Variants in SCMH1 observed in about 807,000 individuals in gnomAD.
The protein encoded by SCMH1 is polycomb protein SCMH1.
A neutral mutation model predicts 70.8 loss-of-function variants in SCMH1; 37 were observed. That is an observed-to-expected ratio of 0.52 (90% CI 0.40 to 0.69). SCMH1 has a LOEUF of 0.69. SCMH1 is among the 30% of genes least tolerant of loss of function. SCMH1 has a pLI of 0.00. For missense variants in SCMH1, 607 were observed against 827.3 expected (o/e 0.73, Z 3.27); for synonymous variants, 292 against 307.4 (o/e 0.95, Z 0.52).
chr1:41,161,806 T>C (rs1325255554), intron 2 of SCMH1, among the ~76,000 whole-genome samples: 2 of 152,334 alleles, frequency 1.3e-5, no homozygotes, highest in East Asian at 3.9e-4. Flanking sequence ...ATCACAATTA[T>C]TTAAAACACT....
intron 2 of SCMH1, among the ~76,000 whole-genome samples, chr1:41,172,413 C>T (rs1233999643): frequency 2.0e-5 from 3 of 151,752 alleles, no homozygotes; most frequent in Non-Finnish European, 2.9e-5. Flanking sequence ...AATTACAGAA[C>T]ATTGATGAAA....
intron 6 of SCMH1, among the ~76,000 whole-genome samples, chr1:41,138,014 C>T (rs1024008767): frequency 2.0e-5 from 3 of 152,176 alleles, no homozygotes; most frequent in African/African-American, 7.2e-5. Flanking sequence ...TTGTCCCTTG[C>T]TTTGTTTTTG....
chr1:41,028,628 C>T, exon 14 of SCMH1: 1 of 1,614,184 alleles, frequency 6.2e-7, no homozygotes, highest in Non-Finnish European at 8.5e-7. Flanking sequence ...TGAGGATCAG[C>T]TTCCCGGACA....
At chr1:41,129,176 A>AT (rs1195193457) in intron 6 of SCMH1, among the ~76,000 whole-genome samples, 1 of 152,112 alleles carries the variant, frequency 6.6e-6, no homozygotes, top group Admixed American at 6.5e-5. Flanking sequence ...GCTTGTTTGC[A>AT]TGCCTGGTAA....
chr1:41,178,960 T>A (rs932954274), intron 2 of SCMH1, among the ~76,000 whole-genome samples: 11 of 152,090 alleles, frequency 7.2e-5, no homozygotes, highest in African/African-American at 2.7e-4. Context: ...CCACACTTAT[T>A]CCAAAATTGA....
At chr1:41,228,580 C>T (rs1660702339) in intron 1 of SCMH1, among the ~76,000 whole-genome samples, 1 of 151,160 alleles carries the variant, frequency 6.6e-6, no homozygotes, top group African/African-American at 2.4e-5. Flanking sequence ...CCTAGGAGTT[C>T]AAGACCAGCC....
chr1:41,171,849 A>T (rs528737255), intron 2 of SCMH1, among the ~76,000 whole-genome samples: 1 of 152,346 alleles, frequency 6.6e-6, no homozygotes, highest in South Asian at 2.1e-4. Context: ...ACAAATGAAA[A>T]TAGAAACGTA....
chr1:41,058,378 GTTTTTT>G (rs548733204), intron 10 of SCMH1, among the ~76,000 whole-genome samples: 7 of 81,640 alleles, frequency 8.6e-5, no homozygotes, highest in East Asian at 5.3e-4. Context: ...TTTCTTTCTT[GTTTTTT>G]TTTTTTTTTT....
At chr1:41,149,739 C>A (rs1644896036) in intron 5 of SCMH1, among the ~76,000 whole-genome samples, 1 of 152,210 alleles carries the variant, frequency 6.6e-6, no homozygotes, top group South Asian at 2.1e-4. Flanking sequence ...ATGAGCAACA[C>A]CTTCCTGAGT....
At chr1:41,140,918 T>C (rs1186868645) in intron 6 of SCMH1, among the ~76,000 whole-genome samples, 1 of 152,208 alleles carries the variant, frequency 6.6e-6, no homozygotes. Context: ...ATAAGGTCAA[T>C]TGGTGTGATG....
At chr1:41,125,453 G>A (rs949323212) in intron 6 of SCMH1, among the ~76,000 whole-genome samples, 1 of 151,950 alleles carries the variant, frequency 6.6e-6, no homozygotes, top group Non-Finnish European at 1.5e-5. Context: ...CTGGGCTCAT[G>A]TGATCCACTC....
intron 6 of SCMH1, among the ~76,000 whole-genome samples, chr1:41,122,394 A>G (rs1192777459): frequency 1.3e-5 from 2 of 152,126 alleles, no homozygotes; most frequent in African/African-American, 4.8e-5. Flanking sequence ...CTTTACCCAA[A>G]ATAGACTCCT....
intron 8 of SCMH1, among the ~76,000 whole-genome samples, chr1:41,079,517 A>G (rs867028917): frequency 6.6e-6 from 1 of 152,214 alleles, no homozygotes; most frequent in Non-Finnish European, 1.5e-5. Context: ...TTAACCAACC[A>G]ACCTAACTGA....
At chr1:41,198,233 C>T (rs1653496629) in intron 1 of SCMH1, among the ~76,000 whole-genome samples, 1 of 152,156 alleles carries the variant, frequency 6.6e-6, no homozygotes, top group Non-Finnish European at 1.5e-5. Context: ...CTCTTGGCTC[C>T]AACTGAATCC....
intron 5 of SCMH1, among the ~76,000 whole-genome samples, chr1:41,144,633 G>A (rs557350353): frequency 3.9e-5 from 6 of 152,076 alleles, no homozygotes; most frequent in Non-Finnish European, 5.9e-5. Flanking sequence ...TGAAACTGCT[G>A]GGTCATGTGG....
intron 2 of SCMH1, among the ~76,000 whole-genome samples, chr1:41,181,311 C>T (rs1307940447): frequency 6.6e-6 from 1 of 152,120 alleles, no homozygotes; most frequent in Non-Finnish European, 1.5e-5. Context: ...GTCTAAAACA[C>T]CAAAAGCAAT....
intron 4 of SCMH1, chr1:41,152,660 G>A (rs758411299): frequency 6.2e-7 from 1 of 1,614,022 alleles, no homozygotes; most frequent in Non-Finnish European, 8.5e-7. Flanking sequence ...CTAAAACACT[G>A]TAGCAAACCA....
intron 6 of SCMH1, among the ~76,000 whole-genome samples, chr1:41,133,658 C>T (rs962321171): frequency 1.9e-4 from 29 of 152,138 alleles, no homozygotes; most frequent in African/African-American, 6.3e-4. Context: ...ACTATAAACG[C>T]CTCTATGCAA....
intron 2 of SCMH1, among the ~76,000 whole-genome samples, chr1:41,184,376 T>C (rs1649617933): frequency 6.6e-6 from 1 of 152,160 alleles, no homozygotes. Context: ...ATGAAAGATA[T>C]GTAATAGTCC....
Sources: allele counts gnomAD v4.1 joint callset (sites outside exome capture counted in the v4.1 genomes callset), GRCh38; gene constraint gnomAD v4.1.1; transcripts MANE v1.5; gene names NCBI Gene and HGNC (gene_info 2026-07-23, HGNC 2026-07-21).